Variants in BRD7 observed in about 807,000 individuals in gnomAD.
The protein encoded by BRD7 is bromodomain containing 7.
A neutral mutation model predicts 82.1 loss-of-function variants in BRD7; 15 were observed. The observed-to-expected ratio is 0.18, with a 90% CI of 0.12 to 0.28. BRD7 has a LOEUF of 0.28. Among genes scored for constraint, BRD7 ranks in the 10% least tolerant of loss-of-function variants. BRD7 has a pLI of 1.00. For missense variants in BRD7, 638 were observed against 779.9 expected (o/e 0.82, Z 2.17); for synonymous variants, 232 against 266.9 (o/e 0.87, Z 1.27).
chr16:50,340,391 A>G (rs559206132), intron 5 of BRD7, among the ~76,000 whole-genome samples: 12 of 152,348 alleles, frequency 7.9e-5, no homozygotes, highest in South Asian at 4.1e-4. Flanking sequence ...CTTACTGCAC[A>G]TAAAAAAAAT....
At chr16:50,344,865 T>C (rs2038217489) in intron 5 of BRD7, among the ~76,000 whole-genome samples, 1 of 152,174 alleles carries the variant, frequency 6.6e-6, no homozygotes, top group Non-Finnish European at 1.5e-5. Context: ...CCAGGAGAAC[T>C]TCCCCAACCT....
chr16:50,364,935 A>C lies in BRD7; in HGVS notation c.258+3155T>G, dbSNP rs145706086. On this transcript the variant is annotated intron_variant, in intron 2 of 16. Coordinates refer to ENST00000394688, the MANE Select transcript of BRD7 (RefSeq NM_013263.5). ...AAAGTGGTTACCTCAACTTTTGTTA[A>C]ACAAGACGATGGCCGGAACAAAGAG... Among the ~76,000 whole-genome samples the C allele has an allele frequency of 1.4e-4, 21 of 152,388 alleles. No individual in the cohort carries two copies. In the East Asian group the frequency reaches 3.5e-3, roughly 25 times the overall value.
intron 5 of BRD7, among the ~76,000 whole-genome samples, chr16:50,340,488 C>G (rs1446674617): frequency 6.6e-6 from 1 of 152,134 alleles, no homozygotes; most frequent in Non-Finnish European, 1.5e-5. Flanking sequence ...AGCTTTAAAA[C>G]AAACATCTTA....
chr16:50,355,893 G>A (rs997108639), intron 2 of BRD7, among the ~76,000 whole-genome samples: 8 of 152,044 alleles, frequency 5.3e-5, no homozygotes, highest in Non-Finnish European at 8.8e-5. Context: ...AAAATCTAAC[G>A]ATAGACTGAG....
chr16:50,316,031 CG>C lies in BRD7; in HGVS notation c.*3179del, dbSNP rs2036782894. The C allele has an allele frequency of 6.5e-6, 1 of 153,596 alleles. No homozygotes were observed. Among genetic ancestry groups the C allele is most frequent in the Non-Finnish European group, 1.4e-5 (1 of 68,986 alleles). 9.5% of individuals were successfully genotyped at this position (153,596 alleles called of 1,614,324 possible). On this transcript the variant is annotated 3_prime_UTR_variant, in exon 17 of 17. Transcript: ENST00000394688. ...GAAAGGGGTGTTTTACATCTGTAAA[CG>C]GTTTCAAACAGGTAGAGAGAAAAAC...
chr16:50,330,957 T>C (rs1215884449), intron 8 of BRD7, among the ~76,000 whole-genome samples: 3 of 152,098 alleles, frequency 2.0e-5, no homozygotes, highest in Non-Finnish European at 2.9e-5. Context: ...ATATACATAG[T>C]ATATAAAGAA....
chr16:50,344,583 G>A (rs1289880861), intron 5 of BRD7, among the ~76,000 whole-genome samples: 1 of 152,212 alleles, frequency 6.6e-6, no homozygotes, highest in Non-Finnish European at 1.5e-5. Flanking sequence ...TGACCTGATG[G>A]AGCTGAAAAT....
intron 4 of BRD7, among the ~76,000 whole-genome samples, chr16:50,353,467 T>C (rs1295804642): frequency 6.6e-6 from 1 of 152,070 alleles, no homozygotes; most frequent in Non-Finnish European, 1.5e-5. Flanking sequence ...TTCAATACAA[T>C]GAAAGAAAGT....
intron 5 of BRD7, 64 bp from the exon 6 acceptor site, chr16:50,340,150 G>T: frequency 2.3e-6 from 2 of 864,204 alleles, no homozygotes; most frequent in South Asian, 2.0e-5. Flanking sequence ...GCACCCCCAG[G>T]TTGAAAATAT....
intron 2 of BRD7, among the ~76,000 whole-genome samples, chr16:50,365,977 AG>A (rs35476284): frequency 0.23 from 34,560 of 152,076 alleles, 4,440 homozygotes; most frequent in African/African-American, 0.33. Context: ...ACTGAAGATA[AG>A]GGGGGAAGAT....
At chr16:50,322,647 TGAG>T (rs2037168441) in intron 12 of BRD7, among the ~76,000 whole-genome samples, 1 of 152,218 alleles carries the variant, frequency 6.6e-6, no homozygotes, top group African/African-American at 2.4e-5. Flanking sequence ...GAATAAATTC[TGAG>T]AAGAGGAACT....
rs201216846 is a variant in BRD7, at chr16:50,320,765, C to T, written c.1510G>A (p.Val504Ile). 6.7e-5 allele frequency: 108 copies of T among 1,612,404 alleles called. No homozygotes were observed. Among genetic ancestry groups the T allele is most frequent in the Non-Finnish European group, 8.1e-5 (95 of 1,178,558 alleles). Residue 504 changes from valine to isoleucine, a missense_variant, in exon 14 of 17, where the codon GTA becomes ATA. By Grantham distance (29) the Val-to-Ile change is conservative. Around this residue, in one of 3 missense-constraint regions of BRD7, gnomAD observed 402 missense variants for 500.8 expected, o/e 0.80. Coordinates refer to ENST00000394688, the MANE Select transcript of BRD7 (RefSeq NM_013263.5). The stretch of plus-strand genomic sequence containing the variant: ...GAGTCCAAACGCCCTGGTGGCTCTA[C>T]TTCTGTAATCTGCTTCAAAAGGAAA... Reference protein sequence around the residue: ...DTAKEMEITEVEPPGRLDSST... With the variant: ...DTAKEMEITEIEPPGRLDSST...
chr16:50,359,471 A>G (rs1597095347), intron 2 of BRD7, among the ~76,000 whole-genome samples: 2 of 152,242 alleles, frequency 1.3e-5, no homozygotes, highest in Non-Finnish European at 2.9e-5. Flanking sequence ...CAATAAATAA[A>G]AGAGGCTTTA....
rs1460163500 is a variant in BRD7 at position 50,319,961 on chromosome 16, T to C, written c.1826A>G (p.Tyr609Cys). 1.2e-6 allele frequency: 2 copies of C among 1,613,344 alleles called. No homozygotes were observed. Among genetic ancestry groups the C allele is most frequent in the Non-Finnish European group, 8.5e-7 (1 of 1,179,982 alleles). The stretch of plus-strand genomic sequence containing the variant: ...AATCCCCATTGCTTTTCGAACTCCA[T>C]ACGTGCTTACGATATCACCTGGAGT... ...QVTPGDIVSTYGVRKAMGISI... is the reference protein window; with the variant it reads ...QVTPGDIVSTCGVRKAMGISI... The change falls in exon 16 of 17, where the codon TAT (tyrosine) becomes TGT (cysteine). Residue 609 changes from tyrosine to cysteine, a missense_variant. Transcript: ENST00000394688.
chr16:50,326,071 A>G (rs1430834305), intron 10 of BRD7, among the ~76,000 whole-genome samples, 188 bp from the exon 11 acceptor site: 1 of 151,938 alleles, frequency 6.6e-6, no homozygotes, highest in Non-Finnish European at 1.5e-5. Context: ...CCTACAAGGG[A>G]GAGGGAGAGG....
At chr16:50,335,833 T>C (rs1464607339) in intron 6 of BRD7, among the ~76,000 whole-genome samples, 3 of 152,196 alleles carry the variant, frequency 2.0e-5, no homozygotes, top group Non-Finnish European at 4.4e-5. Flanking sequence ...CCATGCTCTA[T>C]TAGTAGTGCA....
Position 50,318,625 on chromosome 16 carries a change from A to G in BRD7, c.*586T>C, listed in dbSNP as rs1660478038. The G allele has an allele frequency of 6.6e-6, 1 of 152,230 alleles. No homozygotes were observed. Among genetic ancestry groups the G allele is most frequent in the South Asian group, 2.1e-4 (1 of 4,836 alleles). 9.4% of individuals were successfully genotyped at this position (152,230 alleles called of 1,614,324 possible). A position where few individuals can be genotyped will look rare whatever the true frequency, so the allele number is the denominator to read the frequency against. On this transcript the variant is annotated 3_prime_UTR_variant, in exon 17 of 17. Coordinates refer to ENST00000394688, the MANE Select transcript of BRD7 (RefSeq NM_013263.5). Reference sequence around the variant, plus strand: ...CTTTTGGTAATCTGGTAATTCCCTGATCTATTCAAGGATGACTTAGTTTAT... The same window carrying G: ...CTTTTGGTAATCTGGTAATTCCCTGGTCTATTCAAGGATGACTTAGTTTAT...
intron 2 of BRD7, among the ~76,000 whole-genome samples, chr16:50,357,397 T>C (rs2151200588): frequency 6.6e-6 from 1 of 152,364 alleles, no homozygotes; most frequent in Admixed American, 6.5e-5. Context: ...CACTGTTAGT[T>C]GGTTAATGTA....
Position 50,319,107 on chromosome 16 carries a change from T to C in BRD7, c.*104A>G. On this transcript the variant is annotated 3_prime_UTR_variant, in exon 17 of 17. Transcript: ENST00000394688. ...CATCCAAATTCGCTGTTCCAAAGTT[T>C]AATTAAAAACACAATTTACAAATAT... The C allele has an allele frequency of 8.5e-7, 1 of 1,181,350 alleles. No homozygotes were observed. Among genetic ancestry groups the C allele is most frequent in the African/African-American group, 1.6e-5 (1 of 63,448 alleles). 73.2% of individuals were successfully genotyped at this position (1,181,350 alleles called of 1,614,324 possible). A position where few individuals can be genotyped will look rare whatever the true frequency, so the allele number is the denominator to read the frequency against.
Sources: gnomAD v4.1 joint callset for allele counts (sites outside exome capture counted in the v4.1 genomes callset) on GRCh38, gnomAD v4.1.1 for gene constraint, gnomAD v4.1.1 regional missense constraint, MANE v1.5 for transcripts, NCBI Gene and HGNC (gene_info 2026-07-23, HGNC 2026-07-21) for gene names.